The following SVOPL variants were observed in gnomAD, a reference collection of about 807,000 sequenced individuals.
SVOPL encodes putative transporter SVOPL.
In SVOPL, 60 loss-of-function variants were observed where a neutral mutation model predicts 61.0. The observed-to-expected ratio is 0.98, with a 90% CI of 0.80 to 1.22. The LOEUF is 1.22. Ranked by LOEUF, SVOPL falls within the 50% of genes most tolerant of loss-of-function variation. SVOPL has a pLI of 0.00. For synonymous variants in SVOPL, 279 were observed against 250.0 expected, an observed-to-expected ratio of 1.12 and a Z score of -1.09; for missense variants, 662 against 643.9, an observed-to-expected ratio of 1.03 and a Z score of -0.30.
chr7:138,652,895 G>A (rs915257476), intron 7 of SVOPL, among the ~76,000 whole-genome samples: 6 of 152,166 alleles, frequency 3.9e-5, no homozygotes, highest in Non-Finnish European at 7.3e-5. Context: ...CAAAGTGCTG[G>A]GATTACAGGC....
intron 8 of SVOPL, among the ~76,000 whole-genome samples, chr7:138,648,397 C>A (rs1163044336): frequency 6.6e-6 from 1 of 151,642 alleles, no homozygotes; most frequent in African/African-American, 2.4e-5. Flanking sequence ...CACTTTAGGC[C>A]AGGAGTTCAA....
chr7:138,646,942 T>C (rs1034230220), intron 8 of SVOPL, among the ~76,000 whole-genome samples: 1 of 152,120 alleles, frequency 6.6e-6, no homozygotes, highest in African/African-American at 2.4e-5. Flanking sequence ...AAAAGTGCAC[T>C]GCATAGAAGG....
chr7:138,694,238 A>G (rs1389834583), intron 1 of SVOPL, among the ~76,000 whole-genome samples: 1 of 152,174 alleles, frequency 6.6e-6, no homozygotes, highest in African/African-American at 2.4e-5. Context: ...GAAGGTCACC[A>G]CACTGTTGGG....
intron 1 of SVOPL, among the ~76,000 whole-genome samples, chr7:138,691,622 C>A (rs559824884): frequency 6.6e-6 from 1 of 152,266 alleles, no homozygotes; most frequent in Non-Finnish European, 1.5e-5. Context: ...CTCACTGCAA[C>A]CTCTGCCTCC....
At chr7:138,684,162 C>T (rs1802756463) in intron 1 of SVOPL, among the ~76,000 whole-genome samples, 2 of 151,604 alleles carry the variant, frequency 1.3e-5, no homozygotes, top group African/African-American at 4.8e-5. Context: ...GTCAGGAGTT[C>T]GAGAACAGCC....
chr7:138,643,682 T>A (rs952149223), intron 9 of SVOPL, among the ~76,000 whole-genome samples: 1 of 148,262 alleles, frequency 6.7e-6, no homozygotes, highest in Non-Finnish European at 1.5e-5. Flanking sequence ...TGTATGATTC[T>A]ACGTGTGAGG....
chr7:138,681,219 ATATTAT>A (rs201764293), intron 1 of SVOPL, among the ~76,000 whole-genome samples: 3 of 148,108 alleles, frequency 2.0e-5, no homozygotes, highest in African/African-American at 7.4e-5. Context: ...AAATTAACAA[ATATTAT>A]TATTATATAA....
rs1800835623 is a variant in SVOPL, at chr7:138,642,139, T to G, written c.789+2578A>C. 3.3e-5 allele frequency among the ~76,000 whole-genome samples: 5 copies of G among 151,672 alleles called. No individual in the cohort carries two copies. In the South Asian group the frequency reaches 1.0e-3, roughly 32 times the overall value. ...ATTCAGTGGTTTAAAAAATAAATCT[T>G]GAGAAATAGAAATACATTTACTCTT... On this transcript the variant is annotated intron_variant, in intron 9 of 15. Coordinates refer to ENST00000674285, the MANE Select transcript of SVOPL (RefSeq NM_001139456.2).
intron 3 of SVOPL, 97 bp from the exon 4 acceptor site, chr7:138,672,214 T>A: frequency 8.9e-7 from 1 of 1,120,406 alleles, no homozygotes; most frequent in Non-Finnish European, 1.3e-6. Context: ...TCCTGTCCCC[T>A]TTGTCCTTCC....
At chr7:138,697,793 A>C (rs868354914) in intron 1 of SVOPL, among the ~76,000 whole-genome samples, 1 of 151,726 alleles carries the variant, frequency 6.6e-6, no homozygotes, top group African/African-American at 2.4e-5. Flanking sequence ...AAGGAGAAGA[A>C]GAAGAGGAAG....
At chr7:138,691,961 G>A (rs1441269673) in intron 1 of SVOPL, among the ~76,000 whole-genome samples, 1 of 152,056 alleles carries the variant, frequency 6.6e-6, no homozygotes, top group Admixed American at 6.6e-5. Context: ...GAGATTACAA[G>A]CAGGCACCAC....
At chr7:138,626,255 C>T (rs899651103) in intron 12 of SVOPL, among the ~76,000 whole-genome samples, 4 of 152,186 alleles carry the variant, frequency 2.6e-5, no homozygotes, top group Non-Finnish European at 5.9e-5. Flanking sequence ...TCTCCATTCC[C>T]CAACGCTGCC....
intron 12 of SVOPL, among the ~76,000 whole-genome samples, chr7:138,626,409 T>C (rs7802923): frequency 0.028 from 4,321 of 152,200 alleles, 101 homozygotes; most frequent in Non-Finnish European, 0.042. Flanking sequence ...AAGACTTTTT[T>C]TAAGACAGAG....
intron 9 of SVOPL, among the ~76,000 whole-genome samples, chr7:138,637,980 AT>A (rs1206044501): frequency 1.3e-5 from 2 of 151,970 alleles, no homozygotes; most frequent in Admixed American, 6.6e-5. Context: ...TAAATAAAAA[AT>A]AAAACAAATT....
intron 9 of SVOPL, among the ~76,000 whole-genome samples, chr7:138,632,909 T>C (rs1374069122): frequency 6.6e-6 from 1 of 152,234 alleles, no homozygotes; most frequent in Non-Finnish European, 1.5e-5. Flanking sequence ...ATTATCTCTG[T>C]TAAGACTTTT....
intron 5 of SVOPL, chr7:138,662,116 C>T (rs1207427200): frequency 1.0e-6 from 1 of 985,334 alleles, no homozygotes; most frequent in Non-Finnish European, 1.2e-6. Flanking sequence ...CATTTAAGAG[C>T]ATGGGCTTCC....
chr7:138,632,300 G>A (rs1354308669), intron 9 of SVOPL, among the ~76,000 whole-genome samples: 1 of 152,198 alleles, frequency 6.6e-6, no homozygotes, highest in Non-Finnish European at 1.5e-5. Flanking sequence ...CAGGCGTGAT[G>A]GCACGCACCT....
intron 1 of SVOPL, among the ~76,000 whole-genome samples, chr7:138,681,046 AT>A (rs571855333): frequency 5.3e-4 from 81 of 152,000 alleles, no homozygotes; most frequent in African/African-American, 1.7e-3. Context: ...TTTTGTTAAT[AT>A]TGTTAGGAAC....
At position 138,626,014 on chromosome 7, in the gene SVOPL, A is replaced by G. The variant is rs533893323; in HGVS notation, c.1218T>C (p.Ala406=). 8.7e-6 allele frequency: 14 copies of G among 1,614,164 alleles called. No individual in the cohort carries two copies. Among genetic ancestry groups the G allele is most frequent in the Non-Finnish European group, 1.2e-5 (14 of 1,180,026 alleles). The change falls in exon 13 of 16, where the codon GCT becomes GCC. Residue 406 remains alanine, a synonymous_variant. Coordinates refer to ENST00000674285, the MANE Select transcript of SVOPL (RefSeq NM_001139456.2). ...GLIGFLFMLR[A]LVAANFNTVY... ...CGGTGTTGAAGTTTGCAGCTACCAG[A>G]GCCCTCAGCATGAAGAGGAAGCCAA...
Sources: allele counts gnomAD v4.1 joint callset (sites outside exome capture counted in the v4.1 genomes callset), GRCh38; gene constraint gnomAD v4.1.1; transcripts MANE v1.5; gene names NCBI Gene and HGNC (gene_info 2026-07-23, HGNC 2026-07-21).